SMG7: variants seen among roughly 807,000 people sequenced by gnomAD.
The protein encoded by SMG7 is SMG7 nonsense mediated mRNA decay factor.
Under a neutral mutation model 148.2 loss-of-function variants are expected in SMG7, and 34 were observed. That is an observed-to-expected ratio of 0.23 (90% CI 0.17 to 0.31). SMG7 has a LOEUF of 0.31. SMG7 is among the 10% of genes least tolerant of loss of function. The pLI is 1.00. For missense variants in SMG7, 1,114 were observed against 1,408.4 expected (o/e 0.79, Z 3.35); for synonymous variants, 492 against 515.1 (o/e 0.96, Z 0.61).
In SMG7 at chr1:183,522,144, G is replaced by A. The variant is rs575494970; in HGVS notation, c.312+4324G>A. 7.7e-4 allele frequency among the ~76,000 whole-genome samples: 118 copies of A among 152,278 alleles called. 3 individuals are homozygous for A. The South Asian group carries it at 0.019, about 24-fold the overall frequency. On this transcript the variant is annotated intron_variant, in intron 4 of 22. Transcript: ENST00000688051. ...CCATTTACTGAGATGGGAAACACTA[G>A]GGGGAAAGTAGCTTTTTCCCTATTA...
chr1:183,530,971 A>G (rs1666748042), intron 8 of SMG7, among the ~76,000 whole-genome samples: 1 of 152,078 alleles, frequency 6.6e-6, no homozygotes, highest in Non-Finnish European at 1.5e-5. Context: ...CTCTCTTCAC[A>G]TATATATTTC....
chr1:183,534,616 T>C (rs973661372), intron 10 of SMG7, among the ~76,000 whole-genome samples: 3 of 152,190 alleles, frequency 2.0e-5, no homozygotes, highest in African/African-American at 7.2e-5. Context: ...ATCCCAGCAC[T>C]TGGGGAGGCT....
rs1671162852 is a variant in SMG7 at position 183,552,089 on chromosome 1, A to G, written c.*158A>G. 7.6e-7 allele frequency: 1 copy of G among 1,319,886 alleles called. No homozygotes were observed. The highest frequency in any genetic ancestry group is 3.4e-5 in the Admixed American group (1 of 29,226). 81.8% of individuals were successfully genotyped at this position (1,319,886 alleles called of 1,614,324 possible). ...CCACCAGCCCGCTGAGTGTGCACGAAATGTTCGCAGTGCAACAAAAAGAAA... is the reference window on the plus strand; with the variant it reads ...CCACCAGCCCGCTGAGTGTGCACGAGATGTTCGCAGTGCAACAAAAAGAAA... On this transcript the variant is annotated 3_prime_UTR_variant, in exon 23 of 23. Transcript: ENST00000688051.
intron 8 of SMG7, 148 bp downstream of exon 8, chr1:183,529,681 A>G: frequency 1.6e-6 from 1 of 636,628 alleles, no homozygotes; most frequent in Non-Finnish European, 2.6e-6. Context: ...CTTTGCATTT[A>G]TCATCCCTTC....
rs1034020803 is a variant in SMG7 at position 183,527,229 on chromosome 1, A to T, written c.484+462A>T. Among the ~76,000 whole-genome samples, 7 of 152,142 alleles carry T rather than the reference A, an allele frequency of 4.6e-5. No individual in the cohort carries two copies. Among genetic ancestry groups the T allele is most frequent in the African/African-American group, 1.2e-4 (5 of 41,436 alleles). The stretch of plus-strand genomic sequence containing the variant: ...TTTGTATTTCTATTATTTGCATTTT[A>T]TCTGGGAATATTATATAACTTATTT... On this transcript the variant is annotated intron_variant, in intron 5 of 22. Coordinates refer to ENST00000688051, the MANE Select transcript of SMG7 (RefSeq NM_001375584.1). The surrounding 1 kb of genome is among the most constrained non-coding windows in gnomAD (Gnocchi z 4.0).
intron 1 of SMG7, among the ~76,000 whole-genome samples, chr1:183,486,964 T>A (rs1299641058): frequency 6.6e-6 from 1 of 152,172 alleles, no homozygotes; most frequent in African/African-American, 2.4e-5. Context: ...GATGTAAGAA[T>A]TGAAGAATAC....
chr1:183,524,625 A>G (rs1205285690), intron 4 of SMG7, among the ~76,000 whole-genome samples: 3 of 152,144 alleles, frequency 2.0e-5, no homozygotes, highest in Non-Finnish European at 2.9e-5. Context: ...TGTATTTTGA[A>G]TTCTGTACAT....
intron 10 of SMG7, among the ~76,000 whole-genome samples, chr1:183,535,398 T>A (rs572750133): frequency 1.3e-5 from 2 of 152,296 alleles, no homozygotes; most frequent in East Asian, 3.9e-4. Flanking sequence ...TCCTATCAGA[T>A]TTACCAAAAT....
chr1:183,544,824 G>A, intron 15 of SMG7, 106 bp from the exon 16 acceptor site: 1 of 1,103,160 alleles, frequency 9.1e-7, no homozygotes, highest in Non-Finnish European at 1.3e-6. Context: ...TCTCTTTTGT[G>A]ATGTGTTAGA....
At chr1:183,482,017 A>G (rs1417181231) in intron 1 of SMG7, among the ~76,000 whole-genome samples, 2 of 152,094 alleles carry the variant, frequency 1.3e-5, no homozygotes, top group African/African-American at 4.8e-5. Context: ...TTAGCCAGGT[A>G]AAAAAGAAGA....
intron 4 of SMG7, among the ~76,000 whole-genome samples, chr1:183,521,493 C>G (rs1664757608): frequency 6.6e-6 from 1 of 152,172 alleles, no homozygotes; most frequent in Non-Finnish European, 1.5e-5. Flanking sequence ...TGATTACATG[C>G]AGTGCATATT....
At chr1:183,541,671 G>A (rs552418328) in intron 13 of SMG7, among the ~76,000 whole-genome samples, 6 of 152,230 alleles carry the variant, frequency 3.9e-5, no homozygotes, top group African/African-American at 1.4e-4. Context: ...TTGTATTCAG[G>A]TTTCTGTCAT....
chr1:183,545,007 G>A lies in SMG7; in HGVS notation c.2065G>A (p.Val689Ile), dbSNP rs532988126. The change falls in exon 16 of 23, where the codon GTT becomes ATT. Residue 689 changes from valine (V) to isoleucine (I), a missense_variant. By Grantham distance (29) the Val-to-Ile change is conservative (BLOSUM62 3). This residue lies in a region of SMG7 where 788 missense variants were observed against 894.5 expected (regional missense o/e 0.88). Coordinates refer to ENST00000688051, the MANE Select transcript of SMG7 (RefSeq NM_001375584.1). ...CTCAGGTTACACCTTCCCAGCTGGT[G>A]TTTCTGTCCCAGGAACCTTTCTTCA... ...MGSGYTFPAG[V>I]SVPGTFLQPT... 1.2e-6 allele frequency: 2 copies of A among 1,613,892 alleles called. No homozygotes were observed. The highest frequency in any genetic ancestry group is 2.7e-5 in the African/African-American group (2 of 74,928).
intron 1 of SMG7, among the ~76,000 whole-genome samples, chr1:183,510,838 C>T (rs1661945068): frequency 6.6e-6 from 1 of 151,920 alleles, no homozygotes; most frequent in African/African-American, 2.4e-5. Context: ...TTAATATTCT[C>T]TAGCTTTCAT....
intron 1 of SMG7, among the ~76,000 whole-genome samples, chr1:183,491,178 G>T (rs560963337): frequency 2.0e-5 from 3 of 152,156 alleles, no homozygotes; most frequent in Non-Finnish European, 4.4e-5. Context: ...CGCATGTCCG[G>T]TAACTTCTGA....
At chr1:183,481,926 G>T (rs563505552) in intron 1 of SMG7, among the ~76,000 whole-genome samples, 2 of 151,816 alleles carry the variant, frequency 1.3e-5, no homozygotes, top group African/African-American at 4.8e-5. Context: ...TGATCCTCTT[G>T]CCTCAGCCTC....
intron 12 of SMG7, among the ~76,000 whole-genome samples, chr1:183,540,755 A>C (rs949470044): frequency 1.3e-4 from 20 of 152,220 alleles, no homozygotes; most frequent in Admixed American, 5.2e-4. Context: ...AATGTGAGTA[A>C]AAATATTACA....
intron 1 of SMG7, among the ~76,000 whole-genome samples, chr1:183,500,873 A>G (rs879723855): frequency 2.6e-5 from 4 of 152,182 alleles, no homozygotes; most frequent in African/African-American, 4.8e-5. Flanking sequence ...TTTATATGCT[A>G]TGCTGAGGAA....
intron 1 of SMG7, among the ~76,000 whole-genome samples, chr1:183,474,478 C>T (rs1651614525): frequency 6.6e-6 from 1 of 152,178 alleles, no homozygotes; most frequent in Admixed American, 6.5e-5. Flanking sequence ...GCAGGAGAAT[C>T]GCTTGAACCC....
Sources: gnomAD v4.1 joint callset for allele counts (sites outside exome capture counted in the v4.1 genomes callset) on GRCh38, gnomAD v4.1.1 for gene constraint, gnomAD v4.1.1 regional missense constraint, Gnocchi (gnomAD v3.1) non-coding constraint, MANE v1.5 for transcripts, NCBI Gene and HGNC (gene_info 2026-07-23, HGNC 2026-07-21) for gene names.